Variants in CNTN5 observed in about 807,000 individuals in gnomAD.
The protein encoded by CNTN5 is contactin-5.
CNTN5 carries 77 observed loss-of-function variants against 129.1 expected under a neutral mutation model. That is an observed-to-expected ratio of 0.60 (90% CI 0.50 to 0.72). The LOEUF is 0.72. Ranked by LOEUF, CNTN5 falls within the 30% of genes least tolerant of loss-of-function variation. The pLI is 0.00. For synonymous variants in CNTN5, 509 were observed against 465.6 expected, an observed-to-expected ratio of 1.09 and a Z score of -1.20; for missense variants, 1,478 against 1,328.8, an observed-to-expected ratio of 1.11 and a Z score of -1.75.
At chr11:99,682,379 A>G (rs1183839706) in intron 3 of CNTN5, among the ~76,000 whole-genome samples, 1 of 152,004 alleles carries the variant, frequency 6.6e-6, no homozygotes, top group African/African-American at 2.4e-5. Flanking sequence ...TACTACTAAA[A>G]ATGAAAGCCA....
At chr11:99,257,886 AT>A (rs1161996215) in intron 1 of CNTN5, among the ~76,000 whole-genome samples, 2 of 152,010 alleles carry the variant, frequency 1.3e-5, no homozygotes, top group South Asian at 2.1e-4. Flanking sequence ...ATGTCACCTA[AT>A]TTTTTATCAT....
chr11:99,211,858 C>A (rs1314078119), intron 1 of CNTN5, among the ~76,000 whole-genome samples: 1 of 152,062 alleles, frequency 6.6e-6, no homozygotes, highest in African/African-American at 2.4e-5. Flanking sequence ...ATCTTCTGAT[C>A]TAAGTCTATT....
chr11:99,291,041 G>C (rs967417432), intron 1 of CNTN5, among the ~76,000 whole-genome samples: 10 of 151,822 alleles, frequency 6.6e-5, no homozygotes, highest in African/African-American at 1.9e-4. Context: ...GTGTCCAAAT[G>C]TAAAACTAAT....
intron 13 of CNTN5, among the ~76,000 whole-genome samples, chr11:100,138,682 T>C (rs1946601931): frequency 6.6e-6 from 1 of 152,092 alleles, no homozygotes; most frequent in South Asian, 2.1e-4. Context: ...TTACGGTCAC[T>C]GAAGGACTTT....
Position 99,230,347 on chromosome 11 carries a change from A to T in CNTN5, c.-209-94999A>T, listed in dbSNP as rs537857044. On this transcript the variant is annotated intron_variant, in intron 1 of 24. Transcript: ENST00000524871. Reference sequence around the variant, plus strand: ...TACAGATTTAGATAGCAATCATGAAATCTGACCTTTTGATTTTTGAGGGGA... The same window carrying T: ...TACAGATTTAGATAGCAATCATGAATTCTGACCTTTTGATTTTTGAGGGGA... Among the ~76,000 whole-genome samples, 5 of 152,298 alleles carry T rather than the reference A, an allele frequency of 3.3e-5. No homozygotes were observed. The East Asian group carries it at 9.6e-4, about 29-fold the overall frequency.
chr11:99,142,641 A>G (rs1859578322), intron 1 of CNTN5, among the ~76,000 whole-genome samples: 1 of 152,146 alleles, frequency 6.6e-6, no homozygotes. Flanking sequence ...TGTTCTGTCC[A>G]GGTCTATCAG....
rs555257075 is a variant in CNTN5, at chr11:99,867,892, T to C, written c.577+22630T>C. ...ATTGCCCAGGTTGTGCCAGATATGGTATACAAGAGACAAAAGGCAAGAAGT... is the reference window on the plus strand; with the variant it reads ...ATTGCCCAGGTTGTGCCAGATATGGCATACAAGAGACAAAAGGCAAGAAGT... On this transcript the variant is annotated intron_variant, in intron 6 of 24. Coordinates refer to ENST00000524871, the MANE Select transcript of CNTN5 (RefSeq NM_014361.4). 2.6e-5 allele frequency among the ~76,000 whole-genome samples: 4 copies of C among 152,210 alleles called. 1 individual carries two copies. The South Asian group carries it at 6.2e-4, about 24-fold the overall frequency.
intron 2 of CNTN5, among the ~76,000 whole-genome samples, chr11:99,350,395 T>C (rs1158155898): frequency 6.6e-6 from 1 of 152,088 alleles, no homozygotes; most frequent in Non-Finnish European, 1.5e-5. Context: ...AGAAAAACTT[T>C]GTGCGTTTAC....
At chr11:99,737,964 A>G (rs1943764976) in intron 3 of CNTN5, among the ~76,000 whole-genome samples, 1 of 152,170 alleles carries the variant, frequency 6.6e-6, no homozygotes, top group South Asian at 2.1e-4. Flanking sequence ...TCCTTAGTGA[A>G]ATATATTTAT....
At chr11:99,352,077 GC>G (rs1341772073) in intron 2 of CNTN5, among the ~76,000 whole-genome samples, 1 of 152,210 alleles carries the variant, frequency 6.6e-6, no homozygotes, top group African/African-American at 2.4e-5. Context: ...GACAGTAAAT[GC>G]CCAGCATTGA....
rs115227822 is a variant in CNTN5 at position 100,240,064 on chromosome 11, A to G, written c.2005+15252A>G. 5.9e-3 allele frequency among the ~76,000 whole-genome samples: 894 copies of G among 152,336 alleles called. 3 individuals are homozygous for G. The highest frequency in any genetic ancestry group is 0.017 in the African/African-American group (727 of 41,582). On this transcript the variant is annotated intron_variant, in intron 16 of 24. Transcript: ENST00000524871. ...CTGATCTGTATGAATCAGTAAATCA[A>G]AGCTCACATATTTGTTTCAAAACTT...
intron 3 of CNTN5, among the ~76,000 whole-genome samples, chr11:99,699,381 C>G (rs1206850830): frequency 6.6e-6 from 1 of 151,404 alleles, no homozygotes; most frequent in Non-Finnish European, 1.5e-5. Context: ...TTTTATCACT[C>G]TTTAATATCT....
At chr11:99,695,615 C>G (rs1257030140) in intron 3 of CNTN5, among the ~76,000 whole-genome samples, 2 of 151,864 alleles carry the variant, frequency 1.3e-5, no homozygotes, top group South Asian at 2.1e-4. Flanking sequence ...GGGCCAGGCA[C>G]GGTGGCTGAC....
At chr11:100,302,709 C>T (rs1951252175) in intron 20 of CNTN5, among the ~76,000 whole-genome samples, 1 of 151,552 alleles carries the variant, frequency 6.6e-6, no homozygotes, top group South Asian at 2.1e-4. Context: ...CCTTACAGTA[C>T]TACTTCTCAA....
At chr11:99,932,771 C>G (rs1051774094) in intron 7 of CNTN5, among the ~76,000 whole-genome samples, 3 of 152,028 alleles carry the variant, frequency 2.0e-5, no homozygotes, top group Non-Finnish European at 2.9e-5. Flanking sequence ...TGATGATGCC[C>G]TCTTCATTTT....
chr11:99,174,134 G>A (rs1857664064), intron 1 of CNTN5, among the ~76,000 whole-genome samples: 1 of 152,018 alleles, frequency 6.6e-6, no homozygotes, highest in Admixed American at 6.6e-5. Flanking sequence ...GAGTAGCTTG[G>A]ATTGCAGGTG....
At chr11:99,637,019 A>AAAAAAAAAAAAAAAAAAAAAAAT (rs1951585877) in intron 3 of CNTN5, among the ~76,000 whole-genome samples, 1 of 129,286 alleles carries the variant, frequency 7.7e-6, no homozygotes, top group Non-Finnish European at 1.6e-5. Flanking sequence ...TCAAAAAAAA[A>AAAAAAAAAAAAAAAAAAAAAAAT]AAAAAAAAAA....
intron 2 of CNTN5, among the ~76,000 whole-genome samples, chr11:99,371,525 C>G (rs953353374): frequency 1.3e-5 from 2 of 151,936 alleles, no homozygotes; most frequent in East Asian, 3.9e-4. Context: ...CTTCAGTAAT[C>G]TGGAGTAAGG....
At chr11:100,255,031 T>C (rs569402123) in intron 16 of CNTN5, among the ~76,000 whole-genome samples, 18 of 152,294 alleles carry the variant, frequency 1.2e-4, no homozygotes, top group African/African-American at 4.3e-4. Flanking sequence ...GAAGTCCATA[T>C]GCACACAGAT....
Sources: gnomAD v4.1 joint callset for allele counts (sites outside exome capture counted in the v4.1 genomes callset) on GRCh38, gnomAD v4.1.1 for gene constraint, MANE v1.5 for transcripts, NCBI Gene and HGNC (gene_info 2026-07-23, HGNC 2026-07-21) for gene names.